Variants in SEMA3A observed in about 807,000 individuals in gnomAD.
SEMA3A encodes the protein semaphorin 3A.
SEMA3A carries 29 observed loss-of-function variants against 97.9 expected under a neutral mutation model. That is an observed-to-expected ratio of 0.30 (90% CI 0.22 to 0.40). The LOEUF (loss-of-function observed/expected upper bound fraction) is 0.40. SEMA3A is among the 10% of genes least tolerant of loss of function. SEMA3A has a pLI of 1.00. For missense variants in SEMA3A, 763 were observed against 951.3 expected (o/e 0.80, Z 2.60); for synonymous variants, 321 against 323.7 (o/e 0.99, Z 0.09).
At chr7:83,996,789 T>G (rs1790241071) in intron 12 of SEMA3A, among the ~76,000 whole-genome samples, 2 of 152,186 alleles carry the variant, frequency 1.3e-5, no homozygotes, top group Non-Finnish European at 2.9e-5. Context: ...TGTTTCTTAG[T>G]ACTTTAATGT....
intron 6 of SEMA3A, among the ~76,000 whole-genome samples, chr7:84,026,282 GT>G (rs1411156643): frequency 6.6e-6 from 1 of 152,052 alleles, no homozygotes; most frequent in Admixed American, 6.6e-5. Context: ...AGGAGAAAAT[GT>G]TTTTCCACCT....
chr7:84,083,219 T>C (rs4732537), intron 4 of SEMA3A, among the ~76,000 whole-genome samples: 62,443 of 151,408 alleles, frequency 0.41, 14,743 homozygotes, highest in Non-Finnish European at 0.52. Flanking sequence ...CATATATATA[T>C]ACACACACAC....
intron 2 of SEMA3A, among the ~76,000 whole-genome samples, chr7:84,338,052 C>A (rs113155817): frequency 1.3e-5 from 2 of 151,876 alleles, no homozygotes; most frequent in African/African-American, 4.8e-5. Context: ...TCATAATGTT[C>A]TACACACTTA....
chr7:84,309,176 G>T (rs562294233), intron 2 of SEMA3A, among the ~76,000 whole-genome samples: 73 of 152,212 alleles, frequency 4.8e-4, no homozygotes, highest in African/African-American at 1.7e-3. Context: ...TTCATTTGGG[G>T]TGGTGATAAG....
intron 1 of SEMA3A, among the ~76,000 whole-genome samples, chr7:84,414,071 T>C (rs889334618): frequency 2.6e-5 from 4 of 151,926 alleles, no homozygotes; most frequent in Admixed American, 2.6e-4. Context: ...ATTAATCTTA[T>C]AATAATATTT....
At chr7:84,359,995 C>T (rs1802671821) in intron 2 of SEMA3A, among the ~76,000 whole-genome samples, 1 of 148,150 alleles carries the variant, frequency 6.7e-6, no homozygotes, top group Admixed American at 6.8e-5. Context: ...TCCCCTTTAT[C>T]ATTTTTTATT....
chr7:84,057,172 C>T (rs1344763256), intron 5 of SEMA3A, among the ~76,000 whole-genome samples: 2 of 152,190 alleles, frequency 1.3e-5, no homozygotes, highest in Non-Finnish European at 2.9e-5. Flanking sequence ...AGCTAAAAGT[C>T]TCAGACCTTT....
intron 1 of SEMA3A, among the ~76,000 whole-genome samples, chr7:84,142,593 GAA>G (rs1796325156): frequency 6.6e-6 from 1 of 152,080 alleles, no homozygotes; most frequent in Admixed American, 6.6e-5. Context: ...ACTGATTTTG[GAA>G]AAGTTTGTTA....
chr7:84,195,024 A>AGAGAGAGAGAGAGAGAGAG (rs1798179833), upstream of SEMA3A: 2 of 140,562 alleles, frequency 1.4e-5, no homozygotes, highest in Non-Finnish European at 3.1e-5. Context: ...GAGAGAGAGA[A>AGAGAGAGAGAGAGAGAGAG]AGAGAGAGAG....
At chr7:84,476,989 A>G (rs1562960067) in intron 1 of SEMA3A, among the ~76,000 whole-genome samples, 1 of 151,416 alleles carries the variant, frequency 6.6e-6, no homozygotes, top group African/African-American at 2.4e-5. Flanking sequence ...TAAAGGAAAG[A>G]GACTTATCTT....
At chr7:84,244,742 T>C (rs866580231) in intron 3 of SEMA3A, among the ~76,000 whole-genome samples, 2 of 152,192 alleles carry the variant, frequency 1.3e-5, no homozygotes, top group Admixed American at 6.5e-5. Context: ...CCTTTCCATA[T>C]TTAGTGCTTC....
chr7:84,425,429 A>T (rs1452412934), intron 1 of SEMA3A, among the ~76,000 whole-genome samples: 10 of 130,846 alleles, frequency 7.6e-5, no homozygotes, highest in Non-Finnish European at 1.3e-4. Context: ...TTATATGAAT[A>T]TAAATATAGG....
At position 84,003,875 on chromosome 7, in the gene SEMA3A, G is replaced by A. The variant is rs542561162; in HGVS notation, c.1360+1464C>T. The stretch of plus-strand genomic sequence containing the variant: ...CAATTCATTGCCTTTATGAAACCCT[G>A]GGTCTGCTTTGGATTCTTTTATTTG... On this transcript the variant is annotated intron_variant, in intron 11 of 16. Transcript: ENST00000265362. Among the ~76,000 whole-genome samples, 104 of 151,958 alleles carry A rather than the reference G, an allele frequency of 6.8e-4. 1 individual carries two copies. The Middle Eastern group carries it at 0.024, about 35-fold the overall frequency.
chr7:84,404,586 T>A (rs549430787), intron 1 of SEMA3A, among the ~76,000 whole-genome samples: 12 of 151,756 alleles, frequency 7.9e-5, no homozygotes, highest in Non-Finnish European at 1.8e-4. Flanking sequence ...CCAAGACACA[T>A]AATTGTCAGA....
At chr7:84,409,424 C>T (rs892930964) in intron 1 of SEMA3A, among the ~76,000 whole-genome samples, 17 of 151,988 alleles carry the variant, frequency 1.1e-4, no homozygotes, top group African/African-American at 3.9e-4. Context: ...CCACATTATA[C>T]ATACAAATCC....
intron 2 of SEMA3A, among the ~76,000 whole-genome samples, chr7:84,354,071 G>A (rs1802499008): frequency 6.6e-6 from 1 of 151,462 alleles, no homozygotes; most frequent in Admixed American, 6.6e-5. Context: ...TATTTTAGCT[G>A]AAAGTAAAGT....
At chr7:84,485,341 A>T (rs917767961) in intron 1 of SEMA3A, among the ~76,000 whole-genome samples, 3 of 151,914 alleles carry the variant, frequency 2.0e-5, no homozygotes, top group Non-Finnish European at 2.9e-5. Context: ...GGGGTAGCTG[A>T]GAGCACACAT....
chr7:84,063,758 A>G (rs918693535), intron 4 of SEMA3A, among the ~76,000 whole-genome samples: 1 of 149,760 alleles, frequency 6.7e-6, no homozygotes, highest in South Asian at 2.2e-4. Flanking sequence ...TCCAAGAAAT[A>G]TGGGACTATG....
intron 3 of SEMA3A, among the ~76,000 whole-genome samples, chr7:84,116,889 A>G (rs542273216): frequency 1.3e-5 from 2 of 152,298 alleles, no homozygotes; most frequent in African/African-American, 4.8e-5. Context: ...GCCCTAATGG[A>G]GTAATACAAA....
Sources: gnomAD v4.1 joint callset for allele counts (sites outside exome capture counted in the v4.1 genomes callset) on GRCh38, gnomAD v4.1.1 for gene constraint, MANE v1.5 for transcripts, NCBI Gene and HGNC (gene_info 2026-07-23, HGNC 2026-07-21) for gene names.